Variants in VPS54 observed in about 807,000 individuals in gnomAD.
VPS54 encodes VPS54 subunit of GARP complex.
VPS54 carries 45 observed loss-of-function variants against 121.5 expected under a neutral mutation model. That is an observed-to-expected ratio of 0.37 (90% CI 0.29 to 0.47). VPS54 has a LOEUF of 0.47. VPS54 is among the 20% of genes least tolerant of loss of function. VPS54 has a pLI of 0.99. For missense variants in VPS54, 1,090 were observed against 1,131.4 expected (o/e 0.96, Z 0.52); for synonymous variants, 371 against 385.8 (o/e 0.96, Z 0.45).
rs1174559840 is a variant in VPS54 at position 63,949,110 on chromosome 2, A to G, written c.1064T>C (p.Ile355Thr). 1 of 1,611,494 alleles carries G rather than the reference A, an allele frequency of 6.2e-7. No homozygotes were observed. Among genetic ancestry groups the G allele is most frequent in the African/African-American group, 1.3e-5 (1 of 74,834 alleles). ...GTGAGAATAAGTAGAAAATTCTGCA[A>G]TCATCATTTTATCTATCAGTTTTTC... ...ELEKLIDKMM[I>T]AEFSTYSHSD... is the part of the protein sequence containing the mutation. Residue 355 changes from isoleucine to threonine, a missense_variant, in exon 8 of 23, where the codon ATT becomes ACT. Around this residue, in one of 2 missense-constraint regions of VPS54, gnomAD observed 801 missense variants for 757.0 expected, o/e 1.06. Transcript: ENST00000272322.
At chr2:63,953,850 C>A (rs1675373160) in intron 7 of VPS54, among the ~76,000 whole-genome samples, 2 of 152,172 alleles carry the variant, frequency 1.3e-5, no homozygotes, top group Admixed American at 6.5e-5. Context: ...ATATGCGTCT[C>A]CTTTTAATCA....
chr2:63,902,998 C>CATAACATAAT (rs1190386118), intron 20 of VPS54, among the ~76,000 whole-genome samples: 3 of 151,968 alleles, frequency 2.0e-5, no homozygotes, highest in Non-Finnish European at 4.4e-5. Flanking sequence ...CATAACATAA[C>CATAACATAAT]ATAACACAAC....
At chr2:63,984,160 G>A in intron 1 of VPS54, 141 bp from the exon 2 acceptor site, 2 of 676,668 alleles carry the variant, frequency 3.0e-6, no homozygotes, top group African/African-American at 1.8e-5. Flanking sequence ...CTCTTAATTG[G>A]GAAAATTGAT....
intron 12 of VPS54, among the ~76,000 whole-genome samples, chr2:63,929,787 G>C (rs1674098358): frequency 6.7e-6 from 1 of 148,732 alleles, no homozygotes; most frequent in Non-Finnish European, 1.5e-5. Flanking sequence ...AATAAGAAGA[G>C]AAAGAAAAAT....
intron 2 of VPS54, 65 bp downstream of exon 2, chr2:63,983,799 C>G: frequency 4.0e-6 from 6 of 1,514,528 alleles, no homozygotes; most frequent in Middle Eastern, 1.8e-4. Context: ...TATATAAAAC[C>G]TGACTACTCA....
At chr2:63,926,848 TCGGTGGGTCCC>T in intron 12 of VPS54, among the ~76,000 whole-genome samples, 2 of 152,172 alleles carry the variant, frequency 1.3e-5, no homozygotes, top group Non-Finnish European at 2.9e-5. Flanking sequence ...CGTGCCTGGC[TCGGTGGGTCCC>T]ACACCCACGG....
At chr2:63,996,493 A>C (rs538177898) in intron 1 of VPS54, among the ~76,000 whole-genome samples, 2 of 152,330 alleles carry the variant, frequency 1.3e-5, no homozygotes, top group Admixed American at 6.5e-5. Flanking sequence ...GGCACCTTGA[A>C]AAAAGAACAG....
intron 20 of VPS54, among the ~76,000 whole-genome samples, chr2:63,905,435 A>G (rs1672862992): frequency 6.6e-6 from 1 of 152,140 alleles, no homozygotes; most frequent in South Asian, 2.1e-4. Flanking sequence ...TTAATAACAG[A>G]TGAAATAGAT....
chr2:63,936,218 A>C (rs1335855423), intron 11 of VPS54, among the ~76,000 whole-genome samples: 1 of 152,196 alleles, frequency 6.6e-6, no homozygotes, highest in African/African-American at 2.4e-5. Flanking sequence ...AAAGTATATC[A>C]GGTATTCTAG....
chr2:63,922,666 T>C (rs1673699013), intron 12 of VPS54, among the ~76,000 whole-genome samples: 1 of 152,202 alleles, frequency 6.6e-6, no homozygotes, highest in African/African-American at 2.4e-5. Flanking sequence ...GAACCTAGAC[T>C]TAGTCTACTT....
chr2:63,912,630 C>T lies in VPS54; in HGVS notation c.2454G>A (p.Val818=), dbSNP rs751718811. ...ALSSRCLQLI[V]HYIPVIRAHF... ...GAGCCCGGATCACAGGAATGTAGTG[C>T]ACAATTAACTGCAAACATCGTGAAG... Residue 818 remains valine (V), a synonymous_variant, in exon 19 of 23, where the codon GTG becomes GTA. Transcript: ENST00000272322. 1 of 1,583,838 alleles carries T rather than the reference C, an allele frequency of 6.3e-7. No homozygotes were observed. Among genetic ancestry groups the T allele is most frequent in the South Asian group, 1.2e-5 (1 of 84,954 alleles).
intron 11 of VPS54, among the ~76,000 whole-genome samples, chr2:63,938,757 G>A (rs187719985): frequency 6.6e-6 from 1 of 152,128 alleles, no homozygotes; most frequent in East Asian, 1.9e-4. Flanking sequence ...GAGCCACCAC[G>A]CCAGGCCCAG....
chr2:63,909,645 C>G (rs1423761236), intron 20 of VPS54, among the ~76,000 whole-genome samples: 1 of 143,086 alleles, frequency 7.0e-6, no homozygotes, highest in Non-Finnish European at 1.6e-5. Context: ...GTCTTGAACT[C>G]CTGACCTCAC....
intron 11 of VPS54, among the ~76,000 whole-genome samples, chr2:63,941,883 A>C (rs1416952499): frequency 6.6e-6 from 1 of 151,906 alleles, no homozygotes; most frequent in Non-Finnish European, 1.5e-5. Context: ...AACATGCAAA[A>C]ATTAGCCAGG....
chr2:63,966,264 G>A (rs1675994233), intron 5 of VPS54, among the ~76,000 whole-genome samples: 1 of 152,124 alleles, frequency 6.6e-6, no homozygotes, highest in African/African-American at 2.4e-5. Context: ...CATACCAGAG[G>A]CAGATATAAT....
chr2:63,981,810 T>A lies in VPS54; in HGVS notation c.214A>T (p.Asn72Tyr). 1 of 1,613,782 alleles carries A rather than the reference T, an allele frequency of 6.2e-7. No homozygotes were observed. The highest frequency in any genetic ancestry group is 1.1e-5 in the South Asian group (1 of 91,070). The change falls in exon 3 of 23, where the codon AAT becomes TAT. Residue 72 changes from asparagine to tyrosine, a missense_variant. By Grantham distance (143) the Asn-to-Tyr change is moderately radical. This residue lies in a region of VPS54 where 801 missense variants were observed against 757.0 expected (regional missense o/e 1.06). Transcript: ENST00000272322. ...HRWTVYHSKV[N>Y]LPAALNDPRL... ...GGATCGTTTAATGCTGCTGGGAGAT[T>A]TACTTTGGAATGATATACAGTCCAT...
chr2:63,947,849 T>A (rs1221966424), intron 8 of VPS54, among the ~76,000 whole-genome samples: 2 of 152,136 alleles, frequency 1.3e-5, no homozygotes, highest in Admixed American at 1.3e-4. Flanking sequence ...TTTGCTTCTT[T>A]GTTTTGAGAC....
intron 20 of VPS54, among the ~76,000 whole-genome samples, chr2:63,905,238 G>C (rs114571164): frequency 0.018 from 2,683 of 152,154 alleles, 34 homozygotes; most frequent in Non-Finnish European, 0.022. Context: ...CAGAAAAAGA[G>C]CAGGAAATAT....
chr2:63,907,132 C>G lies in VPS54; in HGVS notation c.2625+5213G>C, dbSNP rs187481809. On this transcript the variant is annotated intron_variant, in intron 20 of 22. Transcript: ENST00000272322. ...TATACTTTGCATTATATATAAATAT[C>G]AACTAGAAATGAATCATAGCCTTAA... Among the ~76,000 whole-genome samples, 139 of 152,184 alleles carry G rather than the reference C, an allele frequency of 9.1e-4. 2 individuals carry two copies. The highest frequency in any genetic ancestry group is 3.2e-3 in the African/African-American group (131 of 41,524).
Sources: allele counts gnomAD v4.1 joint callset (sites outside exome capture counted in the v4.1 genomes callset), GRCh38; gene constraint gnomAD v4.1.1; regional missense constraint gnomAD v4.1.1; transcripts MANE v1.5; gene names NCBI Gene and HGNC (gene_info 2026-07-23, HGNC 2026-07-21).